The following EYS variants were observed in gnomAD, a reference collection of about 807,000 sequenced individuals.
EYS encodes protein eyes shut homolog.
A neutral mutation model predicts 282.1 loss-of-function variants in EYS; 250 were observed. The ratio of observed to expected loss-of-function variants is 0.89; its 90% CI spans 0.80 to 0.98. The LOEUF is 0.98. Among genes scored for constraint, EYS ranks in the 50% least tolerant of loss-of-function variants. The probability of loss-of-function intolerance (pLI) is 0.00; values close to 1 mark genes in which losing one functional copy is unlikely to be tolerated. For missense variants in EYS, 4,016 were observed against 3,709.0 expected, an observed-to-expected ratio of 1.08 and a Z score of -2.15; for synonymous variants, 1,355 against 1,282.9, an observed-to-expected ratio of 1.06 and a Z score of -1.20.
chr6:65,125,171 C>T (rs1775682876), intron 12 of EYS, among the ~76,000 whole-genome samples: 2 of 152,202 alleles, frequency 1.3e-5, no homozygotes, highest in Non-Finnish European at 2.9e-5. Context: ...AAAAGTGTCA[C>T]TGTTAAACAC....
Position 65,252,294 on chromosome 6 carries a change from A to T in EYS, c.2023+43569T>A, listed in dbSNP as rs571025312. 2.7e-4 allele frequency among the ~76,000 whole-genome samples: 41 copies of T among 152,078 alleles called. No individual in the cohort carries two copies. In the South Asian group the frequency reaches 8.3e-3, roughly 31 times the overall value. ...AGATGTGGATCTGATTTTATTCAGC[A>T]TACCAAAGACAAAGAAAATATAGTA... On this transcript the variant is annotated intron_variant, in intron 12 of 42. Transcript: ENST00000503581.
chr6:64,108,475 A>C (rs1235083370), intron 31 of EYS, among the ~76,000 whole-genome samples: 1 of 146,702 alleles, frequency 6.8e-6, no homozygotes, highest in Non-Finnish European at 1.5e-5. Flanking sequence ...AGCTCCTTAC[A>C]TAATGGACTG....
intron 22 of EYS, among the ~76,000 whole-genome samples, chr6:64,656,332 T>C (rs1452776276): frequency 1.3e-5 from 2 of 152,124 alleles, no homozygotes; most frequent in South Asian, 2.1e-4. Flanking sequence ...GCATTAGCAA[T>C]TATTCTTGAA....
At chr6:64,635,465 T>C (rs1204474094) in intron 22 of EYS, among the ~76,000 whole-genome samples, 1 of 152,184 alleles carries the variant, frequency 6.6e-6, no homozygotes, top group Non-Finnish European at 1.5e-5. Context: ...GGGTTTGTCA[T>C]AGATAGCTCT....
At chr6:64,702,315 T>G (rs1303352948) in intron 22 of EYS, among the ~76,000 whole-genome samples, 4 of 152,088 alleles carry the variant, frequency 2.6e-5, no homozygotes, top group Admixed American at 2.0e-4. Context: ...TTTTCTAAGT[T>G]AAAAGACAAG....
chr6:64,499,814 C>T (rs377168467), intron 26 of EYS, among the ~76,000 whole-genome samples: 14 of 152,112 alleles, frequency 9.2e-5, no homozygotes, highest in African/African-American at 2.6e-4. Context: ...AATCCCTGCT[C>T]CTGAGTAAAT....
intron 19 of EYS, among the ~76,000 whole-genome samples, chr6:64,841,635 A>G (rs1392824856): frequency 6.6e-6 from 1 of 152,198 alleles, no homozygotes; most frequent in East Asian, 1.9e-4. Flanking sequence ...TGATACATCA[A>G]CAGGAAGTGA....
intron 31 of EYS, among the ~76,000 whole-genome samples, chr6:64,197,668 G>C (rs569284751): frequency 1.3e-5 from 2 of 151,414 alleles, no homozygotes; most frequent in African/African-American, 4.8e-5. Flanking sequence ...GTTTTATAAT[G>C]TTCATATTAA....
intron 29 of EYS, among the ~76,000 whole-genome samples, chr6:64,351,012 T>C (rs1365185462): frequency 6.6e-6 from 1 of 151,480 alleles, no homozygotes; most frequent in Admixed American, 6.6e-5. Flanking sequence ...CCAACATGAT[T>C]GTAAGTTTCC....
chr6:64,617,668 A>G (rs1302452250), intron 23 of EYS, 135 bp from the exon 24 acceptor site: 1 of 631,390 alleles, frequency 1.6e-6, no homozygotes, highest in East Asian at 2.8e-5. Flanking sequence ...ACCTCAGTGT[A>G]TCTTCATGAT....
chr6:64,293,133 G>T (rs539225807), intron 30 of EYS, among the ~76,000 whole-genome samples: 1 of 151,998 alleles, frequency 6.6e-6, no homozygotes, highest in African/African-American at 2.4e-5. Flanking sequence ...GACAGAATTT[G>T]CACATGGAAT....
At chr6:64,085,574 C>T (rs575445840) in intron 31 of EYS, among the ~76,000 whole-genome samples, 52 of 152,230 alleles carry the variant, frequency 3.4e-4, no homozygotes, top group African/African-American at 1.2e-3. Context: ...AATACATACC[C>T]TTTTTAAATC....
At chr6:64,151,163 A>G (rs1774691341) in intron 31 of EYS, among the ~76,000 whole-genome samples, 1 of 151,316 alleles carries the variant, frequency 6.6e-6, no homozygotes, top group Non-Finnish European at 1.5e-5. Flanking sequence ...GGATACATAC[A>G]TTATGGTGTA....
At chr6:63,927,372 A>G (rs1319040330) in intron 35 of EYS, among the ~76,000 whole-genome samples, 1 of 152,188 alleles carries the variant, frequency 6.6e-6, no homozygotes, top group African/African-American at 2.4e-5. Context: ...TTTGCTAGTC[A>G]TTGTATCATG....
intron 8 of EYS, among the ~76,000 whole-genome samples, chr6:65,354,856 A>G (rs1445747482): frequency 6.6e-6 from 1 of 152,048 alleles, no homozygotes. Context: ...AAAAGAAATA[A>G]TTTAAAAAAT....
At chr6:65,661,358 G>T (rs1220118865) in intron 1 of EYS, among the ~76,000 whole-genome samples, 4 of 151,930 alleles carry the variant, frequency 2.6e-5, no homozygotes, top group African/African-American at 9.7e-5. Context: ...TCCATGTAGT[G>T]ACCATTATTA....
chr6:65,245,184 C>T (rs185301317), intron 12 of EYS, among the ~76,000 whole-genome samples: 2 of 152,220 alleles, frequency 1.3e-5, no homozygotes, highest in East Asian at 1.9e-4. Flanking sequence ...AAACCTATTG[C>T]AGCAGCTCAG....
At chr6:64,194,049 T>C (rs1366055055) in intron 31 of EYS, among the ~76,000 whole-genome samples, 1 of 152,032 alleles carries the variant, frequency 6.6e-6, no homozygotes, top group Non-Finnish European at 1.5e-5. Context: ...TGGTATGGTA[T>C]TTTTAGTAGA....
chr6:65,453,690 C>T (rs1764495140), intron 5 of EYS, among the ~76,000 whole-genome samples: 1 of 151,984 alleles, frequency 6.6e-6, no homozygotes, highest in Non-Finnish European at 1.5e-5. Context: ...CTCCCCCCTA[C>T]AGTCTCTGGT....
Sources: gnomAD v4.1 joint callset for allele counts (sites outside exome capture counted in the v4.1 genomes callset) on GRCh38, gnomAD v4.1.1 for gene constraint, MANE v1.5 for transcripts, NCBI Gene and HGNC (gene_info 2026-07-23, HGNC 2026-07-21) for gene names.